The following PIBF1 variants were observed in gnomAD, a reference collection of about 807,000 sequenced individuals.
PIBF1 encodes the protein progesterone immunomodulatory binding factor 1.
A neutral mutation model predicts 112.5 loss-of-function variants in PIBF1; 90 were observed. The ratio of observed to expected loss-of-function variants is 0.80; its 90% CI spans 0.67 to 0.95. PIBF1 has a LOEUF of 0.95. Ranked by LOEUF, PIBF1 falls within the 40% of genes least tolerant of loss-of-function variation. The probability of loss-of-function intolerance (pLI) is 0.00; values close to 1 mark genes in which losing one functional copy is unlikely to be tolerated. For synonymous variants in PIBF1, 301 were observed against 288.6 expected (o/e 1.04, Z -0.44); for missense variants, 915 against 852.3 (o/e 1.07, Z -0.92).
At chr13:72,872,083 G>A (rs1225019722) in intron 10 of PIBF1, among the ~76,000 whole-genome samples, 1 of 152,080 alleles carries the variant, frequency 6.6e-6, no homozygotes, top group African/African-American at 2.4e-5. Context: ...CATGACTTCA[G>A]GGAAGTTACT....
chr13:73,009,208 A>G (rs1196267846), intron 17 of PIBF1, among the ~76,000 whole-genome samples: 1 of 152,188 alleles, frequency 6.6e-6, no homozygotes, highest in Non-Finnish European at 1.5e-5. Context: ...GTCCTACCCA[A>G]CATCTTCAGC....
At chr13:72,999,053 T>G (rs929436978) in intron 17 of PIBF1, 58 bp downstream of exon 17, 13 of 1,152,756 alleles carry the variant, frequency 1.1e-5, no homozygotes, top group Middle Eastern at 3.0e-4. Context: ...CTAAATGTAT[T>G]TTAGTTAATT....
chr13:72,928,006 C>CACACACAT (rs750684543), intron 13 of PIBF1, among the ~76,000 whole-genome samples: 2 of 101,816 alleles, frequency 2.0e-5, no homozygotes, highest in African/African-American at 1.1e-4. Context: ...CATATATATA[C>CACACACAT]ATATATATAC....
rs985144207 is a variant in PIBF1, at chr13:72,906,594, C to A, written c.1489-1937C>A. On this transcript the variant is annotated intron_variant, in intron 11 of 17. Transcript: ENST00000326291. ...GACAAATCCACAGAAACAGAAAATT[C>A]TCTAATATGGGGTACTAGAGGTATT... is the stretch of plus-strand genomic sequence containing the variant. 3.3e-5 allele frequency among the ~76,000 whole-genome samples: 5 copies of A among 152,088 alleles called. No homozygotes were observed. In the East Asian group the frequency reaches 5.8e-4, roughly 18 times the overall value.
intron 15 of PIBF1, among the ~76,000 whole-genome samples, chr13:72,969,991 T>C (rs978432972): frequency 3.3e-5 from 5 of 152,174 alleles, no homozygotes; most frequent in Non-Finnish European, 1.5e-5. Context: ...CATTGCTAGG[T>C]GTTGATGTTA....
chr13:72,823,553 A>AG (rs1471583061), intron 6 of PIBF1, among the ~76,000 whole-genome samples: 1 of 152,182 alleles, frequency 6.6e-6, no homozygotes, highest in Non-Finnish European at 1.5e-5. Flanking sequence ...AAACTGGGGA[A>AG]GAAAAAAAAG....
intron 14 of PIBF1, among the ~76,000 whole-genome samples, chr13:72,957,965 A>G (rs1483608476): frequency 1.3e-5 from 2 of 151,720 alleles, no homozygotes; most frequent in South Asian, 2.1e-4. Flanking sequence ...CAGGGGGGAA[A>G]GAAAGAAAGA....
chr13:72,815,442 A>C (rs961056607), intron 5 of PIBF1, among the ~76,000 whole-genome samples: 2 of 152,236 alleles, frequency 1.3e-5, no homozygotes, highest in Admixed American at 1.3e-4. Context: ...CAAGAAAAGA[A>C]ATTGATTCAT....
At chr13:73,009,089 A>G (rs903160693) in intron 17 of PIBF1, among the ~76,000 whole-genome samples, 10 of 152,170 alleles carry the variant, frequency 6.6e-5, no homozygotes, top group Non-Finnish European at 1.5e-4. Flanking sequence ...ATCTGTTCTT[A>G]GAATCACAAT....
intron 14 of PIBF1, among the ~76,000 whole-genome samples, chr13:72,935,601 C>T (rs1363704649): frequency 6.6e-6 from 1 of 152,154 alleles, no homozygotes; most frequent in East Asian, 1.9e-4. Context: ...GTCTATTTGA[C>T]ATCTTAAGAA....
At chr13:72,877,767 G>A (rs1057047951) in intron 10 of PIBF1, among the ~76,000 whole-genome samples, 1 of 96,346 alleles carries the variant, frequency 1.0e-5, no homozygotes, top group Non-Finnish European at 2.1e-5. Context: ...TTTTTTTTTT[G>A]AGACAGAGTT....
At chr13:72,833,849 A>G (rs2037230761) in intron 8 of PIBF1, among the ~76,000 whole-genome samples, 1 of 152,196 alleles carries the variant, frequency 6.6e-6, no homozygotes, top group African/African-American at 2.4e-5. Flanking sequence ...CTGCACCCAC[A>G]GGCACCCCTT....
chr13:72,968,217 A>G (rs1363568284), intron 15 of PIBF1, among the ~76,000 whole-genome samples: 1 of 152,114 alleles, frequency 6.6e-6, no homozygotes, highest in Non-Finnish European at 1.5e-5. Flanking sequence ...AGTGCTGTCC[A>G]GTATGGTAGC....
At chr13:72,944,760 G>C (rs746319500) in intron 14 of PIBF1, among the ~76,000 whole-genome samples, 4 of 151,806 alleles carry the variant, frequency 2.6e-5, no homozygotes, top group Non-Finnish European at 5.9e-5. Flanking sequence ...TTTATTATCT[G>C]GGTTTTTTGT....
At chr13:72,890,119 A>G (rs918751618) in intron 10 of PIBF1, among the ~76,000 whole-genome samples, 10 of 152,186 alleles carry the variant, frequency 6.6e-5, no homozygotes, top group African/African-American at 2.2e-4. Flanking sequence ...TAGAGTCTAC[A>G]TGTAAAGACT....
In PIBF1 at chr13:72,835,233, C is replaced by T. The variant is rs1053411392; in HGVS notation, c.1098-10C>T. 5.2e-6 allele frequency: 8 copies of T among 1,539,242 alleles called. No individual in the cohort carries two copies. Among genetic ancestry groups the T allele is most frequent in the Non-Finnish European group, 7.0e-6 (8 of 1,150,718 alleles). ...GAAAATTTATGGTTGTTCCTTTTCA[C>T]TCCTTGCAGAGACCATTATAAAACA... On this transcript the variant is annotated splice_polypyrimidine_tract_variant and intron_variant, in intron 8 of 17. Coordinates refer to ENST00000326291, the MANE Select transcript of PIBF1 (RefSeq NM_006346.4).
chr13:72,939,451 A>G (rs1643351117), intron 14 of PIBF1, among the ~76,000 whole-genome samples: 1 of 152,008 alleles, frequency 6.6e-6, no homozygotes, highest in African/African-American at 2.4e-5. Context: ...CTTCATCTGG[A>G]TATGTTTCAT....
chr13:72,987,889 A>G lies in PIBF1; in HGVS notation c.2050-10933A>G, dbSNP rs1370258805. ...TTTTTTTTTTTTTTTTTTGAGGCAG[A>G]GTCTCGCTCTGTCGCCAGACTGGAG... On this transcript the variant is annotated intron_variant, in intron 16 of 17. Coordinates refer to ENST00000326291, the MANE Select transcript of PIBF1 (RefSeq NM_006346.4). Among the ~76,000 whole-genome samples, 78 of 89,212 alleles carry G rather than the reference A, an allele frequency of 8.7e-4. 1 individual carries two copies. The South Asian group carries it at 0.025, about 29-fold the overall frequency. The allele number at this position is 89,212 out of a possible 152,430, so 58.5% of individuals were successfully genotyped here. A position where few individuals can be genotyped will look rare whatever the true frequency, so the allele number is the denominator to read the frequency against.
chr13:72,917,145 C>T lies in PIBF1; in HGVS notation c.1709C>T (p.Ala570Val), dbSNP rs1349914473. The change falls in exon 13 of 18, where the codon GCC becomes GTC. Residue 570 changes from alanine (A) to valine (V), a missense_variant. By Grantham distance (64) the Ala-to-Val change is moderately conservative. Transcript: ENST00000326291. ...YGYGANVPTT[A>V]KRRLKQSVHL... ...TATGGTGCTAATGTTCCCACAACAG[C>T]CAAAAGACGACTAAAGCAAAGGTAA... 1 of 1,584,206 alleles carries T rather than the reference C, an allele frequency of 6.3e-7. No individual in the cohort carries two copies. Among genetic ancestry groups the T allele is most frequent in the Admixed American group, 1.8e-5 (1 of 56,498 alleles).
Sources: gnomAD v4.1 joint callset for allele counts (sites outside exome capture counted in the v4.1 genomes callset) on GRCh38, gnomAD v4.1.1 for gene constraint, MANE v1.5 for transcripts, NCBI Gene and HGNC (gene_info 2026-07-23, HGNC 2026-07-21) for gene names.